NECAB1: variants seen among roughly 807,000 people sequenced by gnomAD.
The protein encoded by NECAB1 is N-terminal EF-hand calcium binding protein 1.
A neutral mutation model predicts 57.5 loss-of-function variants in NECAB1; 29 were observed. The observed-to-expected ratio is 0.50, with a 90% CI of 0.38 to 0.69. The LOEUF (loss-of-function observed/expected upper bound fraction) is 0.69. NECAB1 is among the 30% of genes least tolerant of loss of function. The pLI is 0.00. For synonymous variants in NECAB1, 142 were observed against 147.7 expected, an observed-to-expected ratio of 0.96 and a Z score of 0.28; for missense variants, 372 against 413.8, an observed-to-expected ratio of 0.90 and a Z score of 0.88.
At chr8:90,941,882 C>A (rs373488807) in intron 10 of NECAB1, among the ~76,000 whole-genome samples, 3 of 152,336 alleles carry the variant, frequency 2.0e-5, no homozygotes, top group African/African-American at 7.2e-5. Context: ...AAAACTTCCA[C>A]AACCAAGTCT....
Position 90,876,665 on chromosome 8 carries a change from A to AT in NECAB1, c.260-4362dup, listed in dbSNP as rs568908394. ...AGTACAGAAAGGCAGGTAGAAACTA[A>AT]TTTTTTGTTAGCATTTTAGTAGAGA... On this transcript the variant is annotated intron_variant, in intron 4 of 12. Coordinates refer to ENST00000417640, the MANE Select transcript of NECAB1 (RefSeq NM_022351.5). Among the ~76,000 whole-genome samples, 573 of 152,210 alleles carry AT rather than the reference A, an allele frequency of 3.8e-3. 7 individuals are homozygous for AT. Among genetic ancestry groups the AT allele is most frequent in the African/African-American group, 0.013 (524 of 41,542 alleles).
intron 5 of NECAB1, among the ~76,000 whole-genome samples, chr8:90,883,778 C>T (rs1385991425): frequency 6.6e-6 from 1 of 152,200 alleles, no homozygotes; most frequent in African/African-American, 2.4e-5. Flanking sequence ...CCAGAGGTAA[C>T]TGAAACCAGA....
chr8:90,808,606 T>C (rs1035567154), intron 2 of NECAB1, among the ~76,000 whole-genome samples: 1 of 151,866 alleles, frequency 6.6e-6, no homozygotes, highest in Non-Finnish European at 1.5e-5. Context: ...TGTTACCTAT[T>C]TCCATTTTTT....
chr8:90,937,481 CTT>C (rs1351400256), intron 9 of NECAB1, among the ~76,000 whole-genome samples: 5 of 152,084 alleles, frequency 3.3e-5, no homozygotes, highest in East Asian at 1.9e-4. Flanking sequence ...TTAAAAAAAA[CTT>C]ATATATCTCT....
At position 90,896,726 on chromosome 8, in the gene NECAB1, TCTACTCCACCCTGACTCATCCTGATTAC is replaced by T. The variant is rs1343810727; in HGVS notation, c.357+15616_357+15643del. Among the ~76,000 whole-genome samples, 7 of 152,220 alleles carry T rather than the reference TCTACTCCACCCTGACTCATCCTGATTAC, an allele frequency of 4.6e-5. No homozygotes were observed. The South Asian group carries it at 8.3e-4, about 18-fold the overall frequency. On this transcript the variant is annotated intron_variant, in intron 5 of 12. Transcript: ENST00000417640. ...CTCGTAAAGCAATCTTTTTCGATTA[TCTACTCCACCCTGACTCATCCTGATTAC>T]CTACTCCACCCTGACTCATTCCGAT...
At chr8:90,943,047 A>G (rs1240550612) in intron 10 of NECAB1, among the ~76,000 whole-genome samples, 1 of 152,010 alleles carries the variant, frequency 6.6e-6, no homozygotes, top group Non-Finnish European at 1.5e-5. Flanking sequence ...ATATTTATAA[A>G]AAAGGCGCAC....
intron 7 of NECAB1, among the ~76,000 whole-genome samples, chr8:90,927,387 T>G (rs1011607487): frequency 7.9e-5 from 12 of 152,034 alleles, no homozygotes; most frequent in Admixed American, 5.2e-4. Context: ...AACACAAGGC[T>G]TTATAGTCTT....
At chr8:90,885,889 G>A (rs1347270686) in intron 5 of NECAB1, among the ~76,000 whole-genome samples, 1 of 152,150 alleles carries the variant, frequency 6.6e-6, no homozygotes, top group Non-Finnish European at 1.5e-5. Flanking sequence ...AATATTTTCA[G>A]TTTTGTTTTT....
At chr8:90,836,375 G>T (rs1015229286) in intron 3 of NECAB1, among the ~76,000 whole-genome samples, 1 of 152,118 alleles carries the variant, frequency 6.6e-6, no homozygotes, top group Admixed American at 6.5e-5. Flanking sequence ...AGAAAACTGG[G>T]CATGAGAATC....
chr8:90,903,116 T>C (rs1434132782), intron 5 of NECAB1, among the ~76,000 whole-genome samples: 1 of 152,044 alleles, frequency 6.6e-6, no homozygotes, highest in Non-Finnish European at 1.5e-5. Flanking sequence ...GTAGTTGGTT[T>C]TGAAAAAACA....
chr8:90,917,544 A>G lies in NECAB1; in HGVS notation c.410A>G (p.Lys137Arg). ...LEQFVTRFLL[K>R]ETLNQLQSLQ... ...CAATTCGTAACTAGATTTTTATTGA[A>G]GGAAACCCTGAATCAGCTGCAGTCT... Residue 137 changes from lysine to arginine, a missense_variant, in exon 6 of 13, where the codon AAG (lysine) becomes AGG (arginine). By Grantham distance (26) the Lys-to-Arg change is conservative. Transcript: ENST00000417640. 1 of 1,612,266 alleles carries G rather than the reference A, an allele frequency of 6.2e-7. No homozygotes were observed. The highest frequency in any genetic ancestry group is 8.5e-7 in the Non-Finnish European group (1 of 1,178,870).
rs371250691 is a variant in NECAB1, at chr8:90,873,947, A to G, written c.259+1794A>G. On this transcript the variant is annotated intron_variant, in intron 4 of 12. Coordinates refer to ENST00000417640, the MANE Select transcript of NECAB1 (RefSeq NM_022351.5). ...GCTTTGGCTATGATTTTCCCCCTAT[A>G]GCTTTAGTTAGGGAACTGGTATGTG... Among the ~76,000 whole-genome samples the G allele has an allele frequency of 3.2e-4, 48 of 152,240 alleles. No homozygotes were observed. The East Asian group carries it at 8.7e-3, about 28-fold the overall frequency.
Position 90,913,761 on chromosome 8 carries a change from A to G in NECAB1, c.358-3731A>G, listed in dbSNP as rs997545425. Among the ~76,000 whole-genome samples, 3 of 152,218 alleles carry G rather than the reference A, an allele frequency of 2.0e-5. No homozygotes were observed. In the South Asian group the frequency reaches 6.2e-4, roughly 32 times the overall value. ...TCTGCTTCTTTTGCCACTGCCTTCC[A>G]AAGGAACATCTGCTGCATATCTGAG... On this transcript the variant is annotated intron_variant, in intron 5 of 12. Transcript: ENST00000417640.
intron 3 of NECAB1, among the ~76,000 whole-genome samples, chr8:90,849,483 C>CTTTTTTTTTTTT (rs5893138): frequency 1.8e-5 from 2 of 113,428 alleles, no homozygotes; most frequent in African/African-American, 3.4e-5. Flanking sequence ...AAGAAAAATG[C>CTTTTTTTTTTTT]TTTTTTTTTT....
intron 7 of NECAB1, among the ~76,000 whole-genome samples, chr8:90,927,304 G>A (rs1810298484): frequency 1.3e-5 from 2 of 148,612 alleles, no homozygotes; most frequent in South Asian, 4.2e-4. Context: ...CAAGAAGGCA[G>A]GTGGAGAAGG....
chr8:90,869,992 C>T (rs939853419), intron 3 of NECAB1, among the ~76,000 whole-genome samples: 2 of 152,030 alleles, frequency 1.3e-5, no homozygotes, highest in Admixed American at 6.6e-5. Context: ...GGGCTTATTT[C>T]CTTCTTGCTG....
intron 5 of NECAB1, among the ~76,000 whole-genome samples, chr8:90,903,286 G>T (rs953077847): frequency 1.3e-5 from 2 of 151,910 alleles, no homozygotes; most frequent in African/African-American, 4.8e-5. Context: ...AATATTTTAT[G>T]TTGCCAATCT....
intron 4 of NECAB1, among the ~76,000 whole-genome samples, chr8:90,880,697 T>A (rs996766664): frequency 6.6e-6 from 1 of 152,192 alleles, no homozygotes. Flanking sequence ...CTAAAATTAC[T>A]ATCCCAGTGA....
In NECAB1 at chr8:90,800,972, C is replaced by T. The variant is rs544417736; in HGVS notation, c.100-719C>T. 2.6e-5 allele frequency among the ~76,000 whole-genome samples: 4 copies of T among 152,204 alleles called. No homozygotes were observed. The South Asian group carries it at 6.2e-4, about 24-fold the overall frequency. ...ACCGGATGGCCAAATAGTTCTTATACATCAAGACAATTTAAAATACGTCCA... is the reference window on the plus strand; with the variant it reads ...ACCGGATGGCCAAATAGTTCTTATATATCAAGACAATTTAAAATACGTCCA... On this transcript the variant is annotated intron_variant, in intron 1 of 12. Transcript: ENST00000417640.
Sources: allele counts gnomAD v4.1 joint callset (sites outside exome capture counted in the v4.1 genomes callset), GRCh38; gene constraint gnomAD v4.1.1; transcripts MANE v1.5; gene names NCBI Gene and HGNC (gene_info 2026-07-23, HGNC 2026-07-21).